Variants in ANKRD11 observed in about 807,000 individuals in gnomAD.
ANKRD11 encodes the protein ankyrin repeat domain-containing protein 11.
In ANKRD11, 17 loss-of-function variants were observed where a neutral mutation model predicts 195.7. The observed-to-expected ratio is 0.09, with a 90% confidence interval of 0.06 to 0.13. ANKRD11 has a LOEUF of 0.13. ANKRD11 is among the 10% of genes least tolerant of loss of function. The pLI is 1.00. For missense variants in ANKRD11, 3,735 were observed against 3,566.1 expected, an observed-to-expected ratio of 1.05 and a Z score of -1.21; for synonymous variants, 1,953 against 1,528.1, an observed-to-expected ratio of 1.28 and a Z score of -6.49.
At chr16:89,361,159 C>A (rs1253479557) in intron 2 of ANKRD11, among the ~76,000 whole-genome samples, 7 of 152,222 alleles carry the variant, frequency 4.6e-5, no homozygotes, top group Non-Finnish European at 1.0e-4. Flanking sequence ...TCCTGTAAGC[C>A]TGAAACCCTG....
At chr16:89,352,322 GGGAA>G (rs1025872004) in intron 2 of ANKRD11, among the ~76,000 whole-genome samples, 2 of 151,954 alleles carry the variant, frequency 1.3e-5, no homozygotes, top group African/African-American at 4.8e-5. Flanking sequence ...AGAGCCCTGG[GGGAA>G]GGCAAGTCAA....
At chr16:89,444,102 GTAT>G (rs907878170) in intron 1 of ANKRD11, among the ~76,000 whole-genome samples, 1 of 152,020 alleles carries the variant, frequency 6.6e-6, no homozygotes, top group African/African-American at 2.4e-5. Flanking sequence ...ACTCACTTCG[GTAT>G]TTTACAAAAA....
intron 6 of ANKRD11, among the ~76,000 whole-genome samples, chr16:89,290,214 CGGCTCCAATGGGGGAGGCTCAG>C (rs1177056236): frequency 6.7e-6 from 1 of 150,328 alleles, no homozygotes; most frequent in African/African-American, 2.5e-5. Flanking sequence ...GGGAGGCTCA[CGGCTCCAATGGGGGAGGCTCAG>C]GGCTCCAGCG....
At position 89,377,615 on chromosome 16, in the gene ANKRD11, G is replaced by C. The variant is rs74033786; in HGVS notation, c.-60+40669C>G. Among the ~76,000 whole-genome samples, 1,277 of 152,236 alleles carry C rather than the reference G, an allele frequency of 8.4e-3. 19 individuals are homozygous for C. The highest frequency in any genetic ancestry group is 0.03 in the African/African-American group (1,236 of 41,512). ...GACCCACACCAGGTGACGAGGAGGA[G>C]GTAGCAGCAGTGACAGAAAACAAAG... On this transcript the variant is annotated intron_variant, in intron 2 of 12. Coordinates refer to ENST00000301030, the MANE Select transcript of ANKRD11 (RefSeq NM_013275.6).
At chr16:89,444,450 G>A (rs563052537) in intron 1 of ANKRD11, among the ~76,000 whole-genome samples, 5 of 152,082 alleles carry the variant, frequency 3.3e-5, no homozygotes, top group East Asian at 1.9e-4. Context: ...CTTTTGCAAC[G>A]GGGCGGTCGG....
intron 2 of ANKRD11, among the ~76,000 whole-genome samples, chr16:89,414,513 A>C (rs1288463876): frequency 1.3e-5 from 2 of 152,230 alleles, no homozygotes; most frequent in Non-Finnish European, 2.9e-5. Flanking sequence ...AACAATTTAC[A>C]AACTAAAATT....
At chr16:89,268,993 T>C (rs2032887838) in intron 12 of ANKRD11, among the ~76,000 whole-genome samples, 2 of 152,272 alleles carry the variant, frequency 1.3e-5, no homozygotes, top group African/African-American at 4.8e-5. Flanking sequence ...CGAACAGCTT[T>C]GCTTTTGTCA....
intron 1 of ANKRD11, among the ~76,000 whole-genome samples, chr16:89,427,515 G>C (rs76680015): frequency 7.0e-4 from 107 of 152,288 alleles, no homozygotes; most frequent in African/African-American, 2.5e-3. Context: ...AAATGTCTAG[G>C]GGCCGGGGTG....
At chr16:89,383,662 C>A (rs1170458809) in intron 2 of ANKRD11, among the ~76,000 whole-genome samples, 2 of 151,874 alleles carry the variant, frequency 1.3e-5, no homozygotes, top group African/African-American at 4.8e-5. Context: ...CGAGCCCCTA[C>A]CCTCGGACCA....
intron 2 of ANKRD11, among the ~76,000 whole-genome samples, chr16:89,332,708 G>A (rs1235856677): frequency 1.3e-5 from 2 of 152,140 alleles, no homozygotes; most frequent in Non-Finnish European, 2.9e-5. Flanking sequence ...CCTCCGGCAG[G>A]GCCTGGTCTG....
At chr16:89,474,625 T>C (rs2057195846) in intron 1 of ANKRD11, among the ~76,000 whole-genome samples, 2 of 152,154 alleles carry the variant, frequency 1.3e-5, no homozygotes, top group African/African-American at 2.4e-5. Context: ...CTTTCCAACC[T>C]ACCACCAACA....
intron 1 of ANKRD11, among the ~76,000 whole-genome samples, chr16:89,473,154 G>A (rs140489541): frequency 2.0e-5 from 3 of 149,642 alleles, no homozygotes; most frequent in South Asian, 4.3e-4. Flanking sequence ...CCCTCCAGCC[G>A]AGGCAAGAAA....
At chr16:89,380,583 T>C (rs2040601760) in intron 2 of ANKRD11, among the ~76,000 whole-genome samples, 1 of 152,152 alleles carries the variant, frequency 6.6e-6, no homozygotes, top group Admixed American at 6.5e-5. Context: ...TTGGGACTTG[T>C]GAAAGCATTT....
chr16:89,309,852 A>G (rs1205706104), intron 3 of ANKRD11, among the ~76,000 whole-genome samples: 1 of 152,140 alleles, frequency 6.6e-6, no homozygotes, highest in East Asian at 1.9e-4. Flanking sequence ...GTAAGGCCCC[A>G]CTATGCCCCA....
chr16:89,282,147 G>C lies in ANKRD11; in HGVS notation c.4395C>G (p.His1465Gln), dbSNP rs779678619. ...ILKEKKKREK[H>Q]REKWRDEKER... ...CCTTCTCGTCTCTCCATTTCTCCCT[G>C]TGTTTCTCTCTCTTCTTCTTCTCTT... The change falls in exon 9 of 13, where the codon CAC (histidine) becomes CAG (glutamine). Residue 1465 changes from histidine (H) to glutamine (Q), a missense_variant. By Grantham distance (24) the His-to-Gln change is conservative. Transcript: ENST00000301030. 1 of 1,613,978 alleles carries C rather than the reference G, an allele frequency of 6.2e-7. No homozygotes were observed. Among genetic ancestry groups the C allele is most frequent in the Non-Finnish European group, 8.5e-7 (1 of 1,180,010 alleles).
chr16:89,353,360 G>A (rs577687910), intron 2 of ANKRD11, among the ~76,000 whole-genome samples: 1 of 150,644 alleles, frequency 6.6e-6, no homozygotes, highest in South Asian at 2.1e-4. Context: ...AAGAGAGAGA[G>A]AGAGAGAGAG....
At chr16:89,380,408 A>T (rs377112888) in intron 2 of ANKRD11, among the ~76,000 whole-genome samples, 1 of 152,128 alleles carries the variant, frequency 6.6e-6, no homozygotes, top group East Asian at 1.9e-4. Flanking sequence ...CACTGTGCCC[A>T]GCCCAATGAT....
At position 89,397,455 on chromosome 16, in the gene ANKRD11, A is replaced by T. The variant is rs556195468; in HGVS notation, c.-60+20829T>A. Among the ~76,000 whole-genome samples the T allele has an allele frequency of 3.0e-4, 46 of 152,336 alleles. 1 individual carries two copies. The highest frequency in any genetic ancestry group is 3.4e-3 in the Middle Eastern group (1 of 294). On this transcript the variant is annotated intron_variant, in intron 2 of 12. Transcript: ENST00000301030. ...CCGTACCACTCCCTGCCAGCCACAC[A>T]GGGGGACCCACAGGAAGCAGGCCTT... is the stretch of plus-strand genomic sequence containing the variant.
chr16:89,474,889 C>T (rs187318224), intron 1 of ANKRD11, among the ~76,000 whole-genome samples: 96 of 152,372 alleles, frequency 6.3e-4, no homozygotes, highest in South Asian at 6.2e-4. Flanking sequence ...TAAGTTAAAT[C>T]TTCAAACGCA....
Sources: gnomAD v4.1 joint callset for allele counts (sites outside exome capture counted in the v4.1 genomes callset) on GRCh38, gnomAD v4.1.1 for gene constraint, MANE v1.5 for transcripts, NCBI Gene and HGNC (gene_info 2026-07-23, HGNC 2026-07-21) for gene names.